Variants in COL19A1 observed in about 807,000 individuals in gnomAD.
COL19A1 encodes the protein collagen type XIX alpha 1 chain, also known as collagen alpha-1(XIX) chain.
In COL19A1, 159 loss-of-function variants were observed where a neutral mutation model predicts 190.2. The observed-to-expected ratio is 0.84, with a 90% CI of 0.73 to 0.95. The LOEUF is 0.95. Ranked by LOEUF, COL19A1 falls within the 40% of genes least tolerant of loss-of-function variation. The probability of loss-of-function intolerance (pLI) is 0.00; values close to 1 mark genes in which losing one functional copy is unlikely to be tolerated. For synonymous variants in COL19A1, 509 were observed against 458.9 expected (o/e 1.11, Z -1.39); for missense variants, 1,418 against 1,431.9 (o/e 0.99, Z 0.16).
At chr6:69,880,871 A>G (rs1768502610) in intron 2 of COL19A1, among the ~76,000 whole-genome samples, 1 of 152,204 alleles carries the variant, frequency 6.6e-6, no homozygotes, top group Non-Finnish European at 1.5e-5. Context: ...ACTCTTCTGA[A>G]TTTGTCTTTT....
At chr6:70,172,130 G>A in intron 41 of COL19A1, 113 bp downstream of exon 41, 2 of 821,978 alleles carry the variant, frequency 2.4e-6, no homozygotes, top group South Asian at 1.6e-5. Context: ...GAACAAAACA[G>A]ACAAAAATGT....
intron 15 of COL19A1, among the ~76,000 whole-genome samples, chr6:70,075,233 A>G (rs984726797): frequency 2.0e-5 from 3 of 152,224 alleles, no homozygotes; most frequent in Non-Finnish European, 4.4e-5. Flanking sequence ...AGGTCCAAGC[A>G]ACAAGTGCAG....
At chr6:69,875,762 T>C (rs1008264047) in intron 1 of COL19A1, among the ~76,000 whole-genome samples, 1 of 152,198 alleles carries the variant, frequency 6.6e-6, no homozygotes, top group Non-Finnish European at 1.5e-5. Context: ...TATTAAGTTA[T>C]AGATATCTGT....
At position 70,171,980 on chromosome 6, in the gene COL19A1, T is replaced by A. The variant is rs1765526754; in HGVS notation, c.2585T>A (p.Met862Lys). Reference sequence around the variant, plus strand: ...ATTTAACAGGGAGAGCCTGGTGCAATGGGGTTGCCAGGATTAGAAGGATTT... The same window carrying A: ...ATTTAACAGGGAGAGCCTGGTGCAAAGGGGTTGCCAGGATTAGAAGGATTT... Reference protein sequence around the residue: ...DPGPVGEPGAMGLPGLEGFPG... With the variant: ...DPGPVGEPGAKGLPGLEGFPG... The change falls in exon 41 of 51, where the codon ATG becomes AAG. Residue 862 changes from methionine to lysine, a missense_variant. Transcript: ENST00000620364. The A allele has an allele frequency of 8.1e-6, 13 of 1,612,312 alleles. No individual in the cohort carries two copies. The East Asian group carries it at 2.9e-4, about 36-fold the overall frequency.
chr6:70,185,045 C>A (rs1290717812), intron 46 of COL19A1, 130 bp downstream of exon 46: 2 of 762,258 alleles, frequency 2.6e-6, no homozygotes, highest in Admixed American at 3.1e-5. Context: ...TGTAGGCGAT[C>A]AAAGATCTCT....
At chr6:69,894,962 A>G (rs1769617061) in intron 2 of COL19A1, among the ~76,000 whole-genome samples, 1 of 152,242 alleles carries the variant, frequency 6.6e-6, no homozygotes, top group East Asian at 1.9e-4. Flanking sequence ...GAGAGGAGGA[A>G]AGAAAAAACA....
Position 69,948,910 on chromosome 6 carries a change from C to G in COL19A1, c.936+10810C>G, listed in dbSNP as rs575275690. The stretch of plus-strand genomic sequence containing the variant: ...CCTCAGCCCTTGGTGCCCATTTGGT[C>G]AAAATGGTGACTGAGAGAGTCTTGC... On this transcript the variant is annotated intron_variant, in intron 9 of 50. Coordinates refer to ENST00000620364, the MANE Select transcript of COL19A1 (RefSeq NM_001858.6). Among the ~76,000 whole-genome samples the G allele has an allele frequency of 2.0e-5, 3 of 151,744 alleles. No individual in the cohort carries two copies. In the East Asian group the frequency reaches 5.8e-4, roughly 29 times the overall value.
At chr6:69,916,044 C>T (rs908713723) in intron 4 of COL19A1, among the ~76,000 whole-genome samples, 3 of 150,344 alleles carry the variant, frequency 2.0e-5, no homozygotes, top group African/African-American at 7.3e-5. Flanking sequence ...TCACGCCATT[C>T]TCCTGCCTCA....
intron 11 of COL19A1, among the ~76,000 whole-genome samples, chr6:70,006,690 C>T (rs1454492015): frequency 6.6e-6 from 1 of 151,894 alleles, no homozygotes; most frequent in Non-Finnish European, 1.5e-5. Flanking sequence ...AGATATATGA[C>T]TATATTTGTA....
chr6:70,205,961 T>C (rs568282780), intron 49 of COL19A1, among the ~76,000 whole-genome samples: 128 of 152,350 alleles, frequency 8.4e-4, no homozygotes, highest in African/African-American at 2.8e-3. Context: ...TACACTGCCA[T>C]GTTCAAACAT....
At position 70,149,994 on chromosome 6, in the gene COL19A1, A is replaced by G. The variant is rs772789479; in HGVS notation, c.1986A>G (p.Gly662=). 6 of 1,613,760 alleles carry G rather than the reference A, an allele frequency of 3.7e-6. No homozygotes were observed. In the South Asian group the frequency reaches 6.6e-5, roughly 18 times the overall value. The change falls in exon 30 of 51, where the codon GGA becomes GGG. Residue 662 remains glycine (G), a splice_region_variant and synonymous_variant. Transcript: ENST00000620364. ...PGTPGTPGND[G]VPGRDGKPGL... ...AACATGGATACCTCTGTTTTCAGGGAGTTCCAGGGAGAGATGGAAAGCCAG... is the reference window on the plus strand; with the variant it reads ...AACATGGATACCTCTGTTTTCAGGGGGTTCCAGGGAGAGATGGAAAGCCAG...
intron 11 of COL19A1, among the ~76,000 whole-genome samples, chr6:70,020,896 A>G (rs1231370656): frequency 2.6e-5 from 4 of 151,966 alleles, no homozygotes; most frequent in East Asian, 1.9e-4. Context: ...ATTGAATACC[A>G]TTTTTCTGCC....
chr6:69,949,000 C>A (rs544198963), intron 9 of COL19A1, among the ~76,000 whole-genome samples: 9 of 151,832 alleles, frequency 5.9e-5, no homozygotes, highest in African/African-American at 1.9e-4. Flanking sequence ...AAGCTAATAT[C>A]ATAAAGAAGC....
At chr6:70,195,084 G>A (rs1767108516) in intron 48 of COL19A1, among the ~76,000 whole-genome samples, 1 of 143,924 alleles carries the variant, frequency 6.9e-6, no homozygotes, top group Non-Finnish European at 1.5e-5. Context: ...TTTTATGTAT[G>A]TATATATGTA....
chr6:69,902,873 G>T (rs1332940192), intron 4 of COL19A1, among the ~76,000 whole-genome samples: 1 of 152,146 alleles, frequency 6.6e-6, no homozygotes. Flanking sequence ...GGGCTTGGAG[G>T]GTCCATGGCC....
intron 15 of COL19A1, among the ~76,000 whole-genome samples, chr6:70,080,301 T>C (rs1361511996): frequency 1.3e-5 from 2 of 152,104 alleles, no homozygotes; most frequent in African/African-American, 4.8e-5. Context: ...TAGAGAGAAA[T>C]ATAGAAGTAG....
chr6:69,927,056 TA>T (rs1192990043), intron 4 of COL19A1, among the ~76,000 whole-genome samples: 8 of 152,056 alleles, frequency 5.3e-5, no homozygotes, highest in Non-Finnish European at 1.2e-4. Flanking sequence ...AATTAAGGAT[TA>T]AAAAAACCCA....
intron 11 of COL19A1, among the ~76,000 whole-genome samples, chr6:70,007,735 CA>C (rs1194683536): frequency 6.6e-6 from 1 of 151,942 alleles, no homozygotes; most frequent in African/African-American, 2.4e-5. Flanking sequence ...TCTGAACTGA[CA>C]TTCATAAAAC....
Position 70,161,880 on chromosome 6 carries a change from A to G in COL19A1, c.2293-20A>G, listed in dbSNP as rs779992488. On this transcript the variant is annotated intron_variant, in intron 34 of 50. Coordinates refer to ENST00000620364, the MANE Select transcript of COL19A1 (RefSeq NM_001858.6). ...TCCCAATGATATAACAGATTTTATG[A>G]TGGGAACTATCTTTTCCAGGGTCTT... The G allele has an allele frequency of 6.3e-7, 1 of 1,594,776 alleles. No homozygotes were observed. The highest frequency in any genetic ancestry group is 8.5e-7 in the Non-Finnish European group (1 of 1,171,762).
Sources: allele counts gnomAD v4.1 joint callset (sites outside exome capture counted in the v4.1 genomes callset), GRCh38; gene constraint gnomAD v4.1.1; transcripts MANE v1.5; gene names NCBI Gene and HGNC (gene_info 2026-07-23, HGNC 2026-07-21).